Variants in EXOC6B observed in about 807,000 individuals in gnomAD.
EXOC6B encodes the protein SEC15 homolog B.
A neutral mutation model predicts 113.5 loss-of-function variants in EXOC6B; 54 were observed. That is an observed-to-expected ratio of 0.48 (90% confidence interval 0.38 to 0.60). The LOEUF (loss-of-function observed/expected upper bound fraction) is 0.60, where lower values mean the gene tolerates loss of function less well. Among genes scored for constraint, EXOC6B ranks in the 20% least tolerant of loss-of-function variants. EXOC6B has a pLI of 0.00. For missense variants in EXOC6B, 797 were observed against 977.5 expected (o/e 0.82, Z 2.46); for synonymous variants, 357 against 339.0 (o/e 1.05, Z -0.58).
intron 20 of EXOC6B, among the ~76,000 whole-genome samples, chr2:72,254,656 C>T (rs1472326665): frequency 3.3e-5 from 5 of 152,218 alleles, no homozygotes; most frequent in Middle Eastern, 3.4e-3. Flanking sequence ...TAAACTTTTG[C>T]GGCAAGTGAT....
At position 72,512,375 on chromosome 2, in the gene EXOC6B, G is replaced by A. The variant is rs373399959; in HGVS notation, c.1167+757C>T. Among the ~76,000 whole-genome samples, 329 of 50,122 alleles carry A rather than the reference G, an allele frequency of 6.6e-3. 4 individuals carry two copies. The highest frequency in any genetic ancestry group is 8.1e-3 in the Non-Finnish European group (201 of 24,708). 32.9% of individuals were successfully genotyped at this position (50,122 alleles called of 152,430 possible). A position where few individuals can be genotyped will look rare whatever the true frequency, so the allele number is the denominator to read the frequency against. ...AGGAAGGAAGGAAGGAAAGAAGGAA[G>A]GAAGGAAGGAAGGAAGGAAGGAAGG... On this transcript the variant is annotated intron_variant, in intron 11 of 21. Coordinates refer to ENST00000272427, the MANE Select transcript of EXOC6B (RefSeq NM_015189.3).
intron 19 of EXOC6B, among the ~76,000 whole-genome samples, chr2:72,339,538 G>A (rs1688904609): frequency 6.6e-6 from 1 of 152,028 alleles, no homozygotes; most frequent in African/African-American, 2.4e-5. Context: ...CTTCTTCTTG[G>A]GAAACTTGTT....
chr2:72,257,357 G>C (rs964838189), intron 20 of EXOC6B, among the ~76,000 whole-genome samples: 1 of 152,116 alleles, frequency 6.6e-6, no homozygotes. Context: ...TTGGCTCTCA[G>C]ATTAACCTTT....
chr2:72,273,455 C>T (rs1684622206), intron 20 of EXOC6B, among the ~76,000 whole-genome samples: 1 of 152,012 alleles, frequency 6.6e-6, no homozygotes, highest in Non-Finnish European at 1.5e-5. Context: ...CAAATAAACA[C>T]AGTATAGTAT....
At chr2:72,560,960 G>T (rs1703855415) in intron 7 of EXOC6B, among the ~76,000 whole-genome samples, 1 of 151,870 alleles carries the variant, frequency 6.6e-6, no homozygotes, top group Non-Finnish European at 1.5e-5. Context: ...TATAAAAATT[G>T]TATGAGTGCA....
At chr2:72,768,626 T>A (rs1011462433) in intron 1 of EXOC6B, among the ~76,000 whole-genome samples, 11 of 142,118 alleles carry the variant, frequency 7.7e-5, no homozygotes, top group Middle Eastern at 7.5e-3. Flanking sequence ...TTTTTTTTTT[T>A]AAGTAAATAA....
At chr2:72,528,621 C>T (rs1402735289) in intron 8 of EXOC6B, among the ~76,000 whole-genome samples, 1 of 151,916 alleles carries the variant, frequency 6.6e-6, no homozygotes, top group Non-Finnish European at 1.5e-5. Context: ...TTTGTAAAAA[C>T]CTAGGAAAAA....
chr2:72,480,801 T>C (rs1262468885), intron 16 of EXOC6B, 51 bp from the exon 17 acceptor site: 2 of 1,543,156 alleles, frequency 1.3e-6, no homozygotes, highest in Non-Finnish European at 1.8e-6. Context: ...CACCCCAGGA[T>C]GAATGGCTCA....
intron 17 of EXOC6B, among the ~76,000 whole-genome samples, chr2:72,474,711 G>A (rs1350247818): frequency 6.6e-6 from 1 of 151,920 alleles, no homozygotes; most frequent in Admixed American, 6.6e-5. Context: ...GTTTCTCACT[G>A]AGCGTCTTTA....
At chr2:72,512,981 T>G in intron 11 of EXOC6B, 151 bp downstream of exon 11, 2 of 885,394 alleles carry the variant, frequency 2.3e-6, no homozygotes, top group East Asian at 5.5e-5. Flanking sequence ...ATGTGATAAT[T>G]TGAAGCAGCT....
At chr2:72,420,354 A>G (rs1020015446) in intron 18 of EXOC6B, among the ~76,000 whole-genome samples, 1 of 152,094 alleles carries the variant, frequency 6.6e-6, no homozygotes, top group African/African-American at 2.4e-5. Context: ...CATCATCTAC[A>G]TTAGGTATTT....
chr2:72,529,038 T>C (rs1701871459), intron 8 of EXOC6B, among the ~76,000 whole-genome samples: 1 of 152,126 alleles, frequency 6.6e-6, no homozygotes, highest in South Asian at 2.1e-4. Context: ...GCCCTTTATC[T>C]CCTTTCCTTG....
At chr2:72,678,282 A>G (rs573531281) in intron 6 of EXOC6B, among the ~76,000 whole-genome samples, 1 of 152,332 alleles carries the variant, frequency 6.6e-6, no homozygotes, top group African/African-American at 2.4e-5. Flanking sequence ...AAACATTTGT[A>G]ACACAGTTAC....
chr2:72,518,663 A>C (rs1470019563), intron 8 of EXOC6B, among the ~76,000 whole-genome samples: 1 of 152,140 alleles, frequency 6.6e-6, no homozygotes, highest in African/African-American at 2.4e-5. Flanking sequence ...GAATGGAAAA[A>C]AAGGCATCAC....
At chr2:72,695,469 T>A (rs1382226139) in intron 6 of EXOC6B, among the ~76,000 whole-genome samples, 1 of 152,216 alleles carries the variant, frequency 6.6e-6, no homozygotes, top group East Asian at 1.9e-4. Context: ...TATGAAAGTA[T>A]TCTTTAAGGT....
chr2:72,590,327 G>A (rs184219272), intron 6 of EXOC6B, among the ~76,000 whole-genome samples: 1 of 151,886 alleles, frequency 6.6e-6, no homozygotes, highest in Admixed American at 6.6e-5. Flanking sequence ...ATAAACATAA[G>A]TAGAAAAGTT....
intron 6 of EXOC6B, among the ~76,000 whole-genome samples, chr2:72,642,414 A>G (rs1380162514): frequency 7.0e-6 from 1 of 142,682 alleles, no homozygotes; most frequent in African/African-American, 2.6e-5. Context: ...ACCAAAACAG[A>G]GATATAGATC....
intron 8 of EXOC6B, among the ~76,000 whole-genome samples, chr2:72,549,565 G>C (rs962663921): frequency 6.6e-6 from 1 of 152,130 alleles, no homozygotes; most frequent in African/African-American, 2.4e-5. Flanking sequence ...TGGGCAGGAG[G>C]GGCAAGACAT....
chr2:72,410,977 G>C (rs934750063), intron 18 of EXOC6B, among the ~76,000 whole-genome samples: 7 of 152,330 alleles, frequency 4.6e-5, no homozygotes, highest in South Asian at 2.1e-4. Context: ...GGGAGGCCAA[G>C]GCCGGTGGAT....
Sources: allele counts gnomAD v4.1 joint callset (sites outside exome capture counted in the v4.1 genomes callset), GRCh38; gene constraint gnomAD v4.1.1; transcripts MANE v1.5; gene names NCBI Gene and HGNC (gene_info 2026-07-23, HGNC 2026-07-21).